The following CAMK4 variants were observed in gnomAD, a reference collection of about 807,000 sequenced individuals.
CAMK4 encodes calcium/calmodulin-dependent protein kinase type IV.
A neutral mutation model predicts 44.9 loss-of-function variants in CAMK4; 22 were observed. The ratio of observed to expected loss-of-function variants is 0.49; its 90% confidence interval spans 0.35 to 0.70. The LOEUF (loss-of-function observed/expected upper bound fraction) is 0.70. Ranked by LOEUF, CAMK4 falls within the 30% of genes least tolerant of loss-of-function variation. The pLI is 0.01. For synonymous variants in CAMK4, 218 were observed against 215.4 expected (o/e 1.01, Z -0.11); for missense variants, 498 against 586.8 (o/e 0.85, Z 1.56).
Position 111,326,566 on chromosome 5 carries a change from A to G in CAMK4, c.162-17458A>G, listed in dbSNP as rs181665723. Among the ~76,000 whole-genome samples the G allele has an allele frequency of 6.1e-3, 922 of 151,852 alleles. 3 individuals are homozygous for G. The highest frequency in any genetic ancestry group is 9.8e-3 in the Non-Finnish European group (662 of 67,876). On this transcript the variant is annotated intron_variant, in intron 1 of 10. Coordinates refer to ENST00000282356, the MANE Select transcript of CAMK4 (RefSeq NM_001744.6). The stretch of plus-strand genomic sequence containing the variant: ...ACACAATCTTTTGCAGAAAATTAAA[A>G]AAAAATCTTCCACCTTTTTTTTTTA...
intron 4 of CAMK4, among the ~76,000 whole-genome samples, chr5:111,394,029 A>AAG (rs141027579): frequency 2.7e-5 from 4 of 149,874 alleles, no homozygotes; most frequent in African/African-American, 4.9e-5. Context: ...TGGCGGGGGG[A>AAG]AGAGAGAGAG....
At chr5:111,454,188 C>G (rs538716033) in intron 7 of CAMK4, among the ~76,000 whole-genome samples, 1 of 152,068 alleles carries the variant, frequency 6.6e-6, no homozygotes, top group African/African-American at 2.4e-5. Flanking sequence ...AGATGAGATG[C>G]GAGCTTGTTT....
At chr5:111,280,598 G>A (rs1369204127) in intron 1 of CAMK4, among the ~76,000 whole-genome samples, 1 of 152,216 alleles carries the variant, frequency 6.6e-6, no homozygotes, top group Admixed American at 6.5e-5. Context: ...CTATAGGAAA[G>A]CCAACTGTTC....
rs1755709448 is a variant in CAMK4, at chr5:111,488,522, C to T, written c.*4056C>T. 1 of 152,198 alleles carries T rather than the reference C, an allele frequency of 6.6e-6. No homozygotes were observed. 9.4% of individuals were successfully genotyped at this position (152,198 alleles called of 1,614,324 possible). A position where few individuals can be genotyped will look rare whatever the true frequency, so the allele number is the denominator to read the frequency against. ...TGTAATTCAGAATGTTTAGCAATCC[C>T]TATGTCCTGTTTCACATGCATGGTA... is the stretch of plus-strand genomic sequence containing the variant. On this transcript the variant is annotated 3_prime_UTR_variant, in exon 11 of 11. Coordinates refer to ENST00000282356, the MANE Select transcript of CAMK4 (RefSeq NM_001744.6).
intron 1 of CAMK4, among the ~76,000 whole-genome samples, chr5:111,337,570 C>A (rs366725): frequency 0.88 from 131,707 of 150,400 alleles, 57,872 homozygotes; most frequent in East Asian, 1. Flanking sequence ...TATAAAGACA[C>A]ATCTCTAAAT....
chr5:111,287,285 A>C (rs1751276514), intron 1 of CAMK4, among the ~76,000 whole-genome samples: 1 of 152,176 alleles, frequency 6.6e-6, no homozygotes, highest in Non-Finnish European at 1.5e-5. Context: ...GGAGTGAATC[A>C]AGCCAGAAGA....
chr5:111,324,667 A>G (rs1397959107), intron 1 of CAMK4, among the ~76,000 whole-genome samples: 2 of 152,110 alleles, frequency 1.3e-5, no homozygotes, highest in Non-Finnish European at 2.9e-5. Context: ...AAGAATATAT[A>G]TGATTTGAAT....
At chr5:111,454,073 A>T (rs1476076847) in intron 7 of CAMK4, among the ~76,000 whole-genome samples, 1 of 152,222 alleles carries the variant, frequency 6.6e-6, no homozygotes, top group Non-Finnish European at 1.5e-5. Flanking sequence ...GCTTTTTAAG[A>T]TGTCAAAAAC....
intron 1 of CAMK4, among the ~76,000 whole-genome samples, chr5:111,334,636 G>T (rs1210980934): frequency 6.6e-6 from 1 of 151,502 alleles, no homozygotes; most frequent in Non-Finnish European, 1.5e-5. Flanking sequence ...AGTCAATCAT[G>T]TAAGAGTAAT....
rs1446066371 is a variant in CAMK4 at position 111,484,202 on chromosome 5, A to C, written c.1158A>C (p.Ala386=). The change falls in exon 11 of 11, where the codon GCA becomes GCC. Residue 386 remains alanine (A), a synonymous_variant. Coordinates refer to ENST00000282356, the MANE Select transcript of CAMK4 (RefSeq NM_001744.6). This position sits in a 1 kb window ranked among gnomAD's most constrained non-coding sequence, Gnocchi z 5.3. ...EKIQGDGAQA[A]VKGAQAELMK... ...TTCAAGGCGATGGGGCCCAAGCCGC[A>C]GTTAAGGGGGCACAGGCTGAGCTGA... The C allele has an allele frequency of 1.9e-6, 3 of 1,614,018 alleles. No homozygotes were observed. The highest frequency in any genetic ancestry group is 2.7e-5 in the African/African-American group (2 of 74,942).
chr5:111,312,283 G>A (rs185533895), intron 1 of CAMK4, among the ~76,000 whole-genome samples: 36 of 152,266 alleles, frequency 2.4e-4, no homozygotes, highest in Admixed American at 4.6e-4. Flanking sequence ...GGTTATAGGC[G>A]TAGACTTTAA....
chr5:111,353,803 T>G (rs1437382156), intron 2 of CAMK4, among the ~76,000 whole-genome samples: 3 of 152,068 alleles, frequency 2.0e-5, no homozygotes, highest in Non-Finnish European at 4.4e-5. Context: ...AGGTGAAAGA[T>G]CTGTACTCTG....
At chr5:111,476,270 T>TA (rs112601813) in intron 8 of CAMK4, among the ~76,000 whole-genome samples, 9 of 135,670 alleles carry the variant, frequency 6.6e-5, no homozygotes, top group African/African-American at 2.3e-4. Flanking sequence ...TGTGTGTGTG[T>TA]TTGTGTGTGT....
intron 1 of CAMK4, among the ~76,000 whole-genome samples, chr5:111,226,390 T>G (rs940766913): frequency 6.6e-6 from 1 of 152,216 alleles, no homozygotes; most frequent in South Asian, 2.1e-4. Flanking sequence ...TTGCAGTAAA[T>G]TTTGGAGGAC....
rs916217037 is a variant in CAMK4, at chr5:111,482,263, A to G, written c.829-522A>G. On this transcript the variant is annotated intron_variant, in intron 9 of 10. Coordinates refer to ENST00000282356, the MANE Select transcript of CAMK4 (RefSeq NM_001744.6). The surrounding 1 kb of genome is among the most constrained non-coding windows in gnomAD (Gnocchi z 4.9). ...TTTAAACTCTGGGCTTAGTCCTTCA[A>G]GTACCCTCAAGGGGTTAGAAAGAAC... The G allele has an allele frequency of 3.3e-5, 5 of 152,336 alleles. No homozygotes were observed. The highest frequency in any genetic ancestry group is 3.4e-3 in the Middle Eastern group (1 of 294). The allele number at this position is 152,336 out of a possible 1,614,324, so 9.4% of individuals were successfully genotyped here. A position where few individuals can be genotyped will look rare whatever the true frequency, so the allele number is the denominator to read the frequency against.
chr5:111,297,121 A>G (rs899921590), intron 1 of CAMK4, among the ~76,000 whole-genome samples: 9 of 152,214 alleles, frequency 5.9e-5, no homozygotes, highest in African/African-American at 2.2e-4. Context: ...TTAAAACTAA[A>G]ATGCGAACTA....
rs1044081163 is a variant in CAMK4, at chr5:111,485,289, A to G, written c.*823A>G. The G allele has an allele frequency of 6.6e-6, 1 of 152,230 alleles. No homozygotes were observed. The highest frequency in any genetic ancestry group is 2.4e-5 in the African/African-American group (1 of 41,458). 9.4% of individuals were successfully genotyped at this position (152,230 alleles called of 1,614,324 possible). ...AGACTGTACTTAAACTGATGAAGAT[A>G]AGATTGATTCCTTTTCATTTTCCAG... On this transcript the variant is annotated 3_prime_UTR_variant, in exon 11 of 11. Transcript: ENST00000282356.
In CAMK4 at chr5:111,490,921, G is replaced by GT. The variant is rs1755799020; in HGVS notation, c.*6458dup. ...TTCAACATTTTTCAATGTCTTGTGA[G>GT]TTTAGTGAGTGGGTACAGCTGAGTT... On this transcript the variant is annotated 3_prime_UTR_variant, in exon 11 of 11. Transcript: ENST00000282356. The GT allele has an allele frequency of 6.6e-6, 1 of 152,166 alleles. No homozygotes were observed. Among genetic ancestry groups the GT allele is most frequent in the Non-Finnish European group, 1.5e-5 (1 of 68,038 alleles). The allele number at this position is 152,166 out of a possible 1,614,324, so 9.4% of individuals were successfully genotyped here. A position where few individuals can be genotyped will look rare whatever the true frequency, so the allele number is the denominator to read the frequency against.
intron 1 of CAMK4, among the ~76,000 whole-genome samples, chr5:111,276,708 G>GT (rs1217789387): frequency 1.3e-5 from 2 of 152,034 alleles, no homozygotes; most frequent in Admixed American, 1.3e-4. Flanking sequence ...TGGGTTTGGG[G>GT]TGGGATAGGG....
Sources: gnomAD v4.1 joint callset for allele counts (sites outside exome capture counted in the v4.1 genomes callset) on GRCh38, gnomAD v4.1.1 for gene constraint, Gnocchi (gnomAD v3.1) non-coding constraint, MANE v1.5 for transcripts, NCBI Gene and HGNC (gene_info 2026-07-23, HGNC 2026-07-21) for gene names.